The following ADAM23 variants were observed in gnomAD, a reference collection of about 807,000 sequenced individuals.
The protein encoded by ADAM23 is disintegrin and metalloproteinase domain-containing protein 23.
Under a neutral mutation model 120.1 loss-of-function variants are expected in ADAM23, and 33 were observed. That is an observed-to-expected ratio of 0.27 (90% CI 0.21 to 0.37). ADAM23 has a LOEUF of 0.37. Among genes scored for constraint, ADAM23 ranks in the 10% least tolerant of loss-of-function variants. ADAM23 has a pLI of 1.00. For missense variants in ADAM23, 862 were observed against 1,058.2 expected (o/e 0.81, Z 2.57); for synonymous variants, 367 against 375.2 (o/e 0.98, Z 0.25).
rs1553547999 is a variant in ADAM23, at chr2:206,473,572, A to AAATAATAATATAATAAT, written c.433-7650_433-7649insTAATAATAATAATAATA. Among the ~76,000 whole-genome samples, 13 of 147,202 alleles carry AAATAATAATATAATAAT rather than the reference A, an allele frequency of 8.8e-5. 1 individual carries two copies. Among genetic ancestry groups the AAATAATAATATAATAAT allele is most frequent in the South Asian group, 2.1e-4 (1 of 4,668 alleles). ...GGCAACACAGTGAGACCCATCTCTA[A>AAATAATAATATAATAAT]AATAATAATAATAATAATAATAATA... On this transcript the variant is annotated intron_variant, in intron 2 of 25. Coordinates refer to ENST00000264377, the MANE Select transcript of ADAM23 (RefSeq NM_003812.4).
At chr2:206,597,576 A>G (rs1173085287) in intron 24 of ADAM23, among the ~76,000 whole-genome samples, 3 of 152,204 alleles carry the variant, frequency 2.0e-5, no homozygotes, top group East Asian at 1.9e-4. Context: ...TAGAAAACCC[A>G]TCAGTCACAA....
intron 18 of ADAM23, among the ~76,000 whole-genome samples, chr2:206,586,293 G>A (rs1013628347): frequency 6.6e-6 from 1 of 152,174 alleles, no homozygotes; most frequent in Non-Finnish European, 1.5e-5. Context: ...AAGGTGACTA[G>A]GATAGAAGCA....
intron 5 of ADAM23, 62 bp from the exon 6 acceptor site, chr2:206,543,191 C>T (rs558989901): frequency 7.1e-7 from 1 of 1,409,072 alleles, no homozygotes; most frequent in South Asian, 1.2e-5. Context: ...AGCTCACTTG[C>T]TATTTCTTGC....
intron 6 of ADAM23, among the ~76,000 whole-genome samples, chr2:206,544,334 C>T (rs1697351762): frequency 6.6e-6 from 1 of 152,100 alleles, no homozygotes; most frequent in African/African-American, 2.4e-5. Context: ...GACAAGAAAT[C>T]ACATGCTCTA....
At chr2:206,554,141 T>A (rs1216771301) in intron 9 of ADAM23, among the ~76,000 whole-genome samples, 2 of 152,190 alleles carry the variant, frequency 1.3e-5, no homozygotes, top group African/African-American at 4.8e-5. Flanking sequence ...TTCAAGCTTA[T>A]CCCTTTAATT....
At chr2:206,460,086 T>G (rs1695383545) in intron 2 of ADAM23, among the ~76,000 whole-genome samples, 1 of 150,256 alleles carries the variant, frequency 6.7e-6, no homozygotes, top group Non-Finnish European at 1.5e-5. Flanking sequence ...TCCAGGGATT[T>G]CCCATCTACT....
At chr2:206,489,061 TG>T (rs1299711773) in intron 3 of ADAM23, among the ~76,000 whole-genome samples, 1 of 152,162 alleles carries the variant, frequency 6.6e-6, no homozygotes, top group Middle Eastern at 3.2e-3. Context: ...TAAATATGGT[TG>T]TAAGAAGGAA....
intron 2 of ADAM23, among the ~76,000 whole-genome samples, chr2:206,453,201 G>T (rs1019544743): frequency 6.6e-6 from 1 of 152,032 alleles, no homozygotes. Flanking sequence ...TATAATTTTG[G>T]ATGATTCTAT....
intron 2 of ADAM23, 63 bp downstream of exon 2, chr2:206,445,587 T>C: frequency 7.1e-7 from 1 of 1,403,706 alleles, no homozygotes; most frequent in African/African-American, 1.4e-5. Flanking sequence ...GATTTGATTT[T>C]CTGCCAGAAT....
intron 18 of ADAM23, among the ~76,000 whole-genome samples, chr2:206,584,379 A>G (rs1405036166): frequency 6.6e-6 from 1 of 152,200 alleles, no homozygotes; most frequent in Admixed American, 6.5e-5. Context: ...CAGCTGTAGT[A>G]GTGTGGAGAG....
chr2:206,601,674 T>C (rs1342697349), intron 24 of ADAM23, among the ~76,000 whole-genome samples: 1 of 150,894 alleles, frequency 6.6e-6, no homozygotes, highest in Non-Finnish European at 1.5e-5. Flanking sequence ...CTTGGGAGGC[T>C]GAAGTGGGAG....
At chr2:206,510,430 T>A (rs538518365) in intron 3 of ADAM23, among the ~76,000 whole-genome samples, 2 of 152,258 alleles carry the variant, frequency 1.3e-5, no homozygotes, top group South Asian at 4.2e-4. Context: ...CTTCTTTCAC[T>A]TCATTCTCAC....
At chr2:206,548,977 G>A (rs1457000285) in intron 8 of ADAM23, among the ~76,000 whole-genome samples, 2 of 152,014 alleles carry the variant, frequency 1.3e-5, no homozygotes, top group African/African-American at 4.8e-5. Flanking sequence ...TTGAAATTAT[G>A]TTTCTGGTCT....
chr2:206,582,520 T>G (rs571469377), intron 18 of ADAM23, among the ~76,000 whole-genome samples: 4 of 152,340 alleles, frequency 2.6e-5, no homozygotes, highest in Admixed American at 6.5e-5. Context: ...AGTGGAACAT[T>G]TAGGCCATTA....
At chr2:206,465,407 G>A (rs976608511) in intron 2 of ADAM23, among the ~76,000 whole-genome samples, 6 of 151,962 alleles carry the variant, frequency 3.9e-5, no homozygotes, top group Non-Finnish European at 8.8e-5. Context: ...CACTGGAATA[G>A]GAAGCAGAAA....
intron 21 of ADAM23, among the ~76,000 whole-genome samples, chr2:206,590,342 CCCT>C (rs1215368676): frequency 1.3e-5 from 2 of 152,190 alleles, no homozygotes; most frequent in Non-Finnish European, 2.9e-5. Flanking sequence ...AAGTGATCCG[CCCT>C]CCTCAGCCTC....
intron 2 of ADAM23, among the ~76,000 whole-genome samples, chr2:206,469,332 A>G (rs1695606884): frequency 1.3e-5 from 2 of 152,126 alleles, no homozygotes. Context: ...CAGGCCAGAC[A>G]TTTTAGAGTT....
chr2:206,449,312 A>C (rs954697415), intron 2 of ADAM23, among the ~76,000 whole-genome samples: 7 of 152,258 alleles, frequency 4.6e-5, no homozygotes, highest in Non-Finnish European at 1.0e-4. Context: ...TGATTACTAA[A>C]TATAAGCATT....
In ADAM23 at chr2:206,617,756, T is replaced by TGAC; in HGVS notation, c.*129_*130insGAC. 6.7e-7 allele frequency: 1 copy of TGAC among 1,497,930 alleles called. No individual in the cohort carries two copies. Among genetic ancestry groups the TGAC allele is most frequent in the Non-Finnish European group, 8.9e-7 (1 of 1,121,844 alleles). 92.8% of individuals were successfully genotyped at this position (1,497,930 alleles called of 1,614,324 possible). A position where few individuals can be genotyped will look rare whatever the true frequency, so the allele number is the denominator to read the frequency against. On this transcript the variant is annotated 3_prime_UTR_variant, in exon 26 of 26. Coordinates refer to ENST00000264377, the MANE Select transcript of ADAM23 (RefSeq NM_003812.4). ...GGTGGTAATGACTACGGAGCTAAAGTTGGGGTGACAAGGATGGGGTAAAAG... is the reference window on the plus strand; with the variant it reads ...GGTGGTAATGACTACGGAGCTAAAGTGACTGGGGTGACAAGGATGGGGTAAAAG...
Sources: gnomAD v4.1 joint callset for allele counts (sites outside exome capture counted in the v4.1 genomes callset) on GRCh38, gnomAD v4.1.1 for gene constraint, MANE v1.5 for transcripts, NCBI Gene and HGNC (gene_info 2026-07-23, HGNC 2026-07-21) for gene names.